Variants in ZNF578 observed in about 807,000 individuals in gnomAD.
ZNF578 encodes the protein Putative chemokine-related protein B42.
A neutral mutation model predicts 8.3 loss-of-function variants in ZNF578; 8 were observed. That is an observed-to-expected ratio of 0.96 (90% CI 0.56 to 1.74). ZNF578 has a LOEUF of 1.74. ZNF578 is among the 40% of genes most tolerant of loss of function. The pLI is 0.00. For synonymous variants in ZNF578, 206 were observed against 232.2 expected (o/e 0.89, Z 1.03); for missense variants, 726 against 707.5 (o/e 1.03, Z -0.30).
chr19:52,497,889 T>C (rs1321292461), intron 3 of ZNF578, among the ~76,000 whole-genome samples: 1 of 152,218 alleles, frequency 6.6e-6, no homozygotes, highest in Non-Finnish European at 1.5e-5. Flanking sequence ...TAATATTCTC[T>C]ACAGATGTTG....
At chr19:52,463,151 T>C (rs1019884916) in intron 2 of ZNF578, among the ~76,000 whole-genome samples, 2 of 152,348 alleles carry the variant, frequency 1.3e-5, no homozygotes, top group South Asian at 4.1e-4. Flanking sequence ...TTGAGAATTA[T>C]AGGGGATACT....
chr19:52,509,062 C>T (rs901171015), intron 5 of ZNF578, among the ~76,000 whole-genome samples: 13 of 151,972 alleles, frequency 8.6e-5, no homozygotes, highest in African/African-American at 2.2e-4. Flanking sequence ...CCACCACACC[C>T]GGCTGATGTT....
chr19:52,492,157 C>CAAAAAAA (rs869249180), intron 3 of ZNF578, among the ~76,000 whole-genome samples: 20 of 67,656 alleles, frequency 3.0e-4, no homozygotes, highest in African/African-American at 8.7e-4. Context: ...GATTCTGTCT[C>CAAAAAAA]AAAAAAAAAA....
At chr19:52,484,782 C>T (rs945350639) in intron 2 of ZNF578, among the ~76,000 whole-genome samples, 1 of 150,642 alleles carries the variant, frequency 6.6e-6, no homozygotes, top group Non-Finnish European at 1.5e-5. Flanking sequence ...CAGAGAACAA[C>T]CCCCCTTTGA....
chr19:52,474,869 C>G (rs2059303147), intron 2 of ZNF578: 2 of 206,042 alleles, frequency 9.7e-6, no homozygotes, highest in African/African-American at 2.4e-5. Context: ...AACTAAAGAA[C>G]TTGCCGCATT....
At chr19:52,492,623 G>T (rs916498805) in intron 3 of ZNF578, among the ~76,000 whole-genome samples, 1 of 152,118 alleles carries the variant, frequency 6.6e-6, no homozygotes, top group Non-Finnish European at 1.5e-5. Context: ...CTTCCTGGCC[G>T]CTCTCCCCTC....
chr19:52,455,611 CT>C (rs1301554599), intron 1 of ZNF578: 3 of 152,270 alleles, frequency 2.0e-5, no homozygotes, highest in Non-Finnish European at 4.4e-5. Flanking sequence ...CCTCAACTTT[CT>C]TCTGGGACAT....
At chr19:52,474,045 C>A (rs1306794359) in intron 2 of ZNF578, 3 of 420,644 alleles carry the variant, frequency 7.1e-6, no homozygotes, top group Non-Finnish European at 1.5e-5. Flanking sequence ...TGATTGAAGA[C>A]CTTGCCACAT....
intron 2 of ZNF578, among the ~76,000 whole-genome samples, chr19:52,484,930 G>A (rs2059339718): frequency 1.4e-5 from 2 of 142,754 alleles, no homozygotes; most frequent in Non-Finnish European, 3.0e-5. Flanking sequence ...AGCCTGTTTG[G>A]TGGTCTCTTC....
At chr19:52,469,147 A>G (rs1041744491) in intron 2 of ZNF578, among the ~76,000 whole-genome samples, 1 of 142,790 alleles carries the variant, frequency 7.0e-6, no homozygotes, top group African/African-American at 2.6e-5. Context: ...AGACTTTGGT[A>G]CCTGGAGTGG....
At chr19:52,454,541 C>T (rs2059233348) in intron 1 of ZNF578, 1 of 152,202 alleles carries the variant, frequency 6.6e-6, no homozygotes. Context: ...GCCAGAGTAG[C>T]TCACAGAACT....
At chr19:52,472,689 T>C (rs2059295830) in intron 2 of ZNF578, among the ~76,000 whole-genome samples, 1 of 152,210 alleles carries the variant, frequency 6.6e-6, no homozygotes, top group African/African-American at 2.4e-5. Context: ...TAAGCCATTC[T>C]GTAAGGAAAA....
intron 2 of ZNF578, among the ~76,000 whole-genome samples, chr19:52,461,022 T>G (rs1231447484): frequency 6.6e-6 from 1 of 152,088 alleles, no homozygotes; most frequent in Non-Finnish European, 1.5e-5. Flanking sequence ...TAAAGTAAAA[T>G]TTGCAATAGT....
chr19:52,513,187 A>C lies in ZNF578; in HGVS notation c.*1033A>C, dbSNP rs2059456608. On this transcript the variant is annotated 3_prime_UTR_variant, in exon 6 of 6. Coordinates refer to ENST00000421239, the MANE Select transcript of ZNF578 (RefSeq NM_001099694.2). ...AGGTATATGCCACGACGCCTGGCTA[A>C]TTTTTTGTATTTTTAGTAGGGAAAG... is the stretch of plus-strand genomic sequence containing the variant. Among the ~76,000 whole-genome samples the C allele has an allele frequency of 6.6e-6, 1 of 151,526 alleles. No homozygotes were observed. Among genetic ancestry groups the C allele is most frequent in the Non-Finnish European group, 1.5e-5 (1 of 67,900 alleles).
intron 2 of ZNF578, among the ~76,000 whole-genome samples, chr19:52,471,945 T>TC (rs11281209): frequency 5.4e-4 from 82 of 152,096 alleles, no homozygotes; most frequent in Non-Finnish European, 1.0e-3. Context: ...ATGTCACTAA[T>TC]ACGAAAAAGA....
chr19:52,509,416 TATTA>T (rs925639515), intron 5 of ZNF578, among the ~76,000 whole-genome samples: 15 of 152,216 alleles, frequency 9.9e-5, no homozygotes, highest in South Asian at 6.2e-4. Context: ...TACAATATTT[TATTA>T]ATTAATTTTT....
chr19:52,511,553 C>T lies in ZNF578; in HGVS notation c.1172C>T (p.Ala391Val). 1.9e-6 allele frequency: 3 copies of T among 1,613,498 alleles called. No homozygotes were observed. The highest frequency in any genetic ancestry group is 2.5e-6 in the Non-Finnish European group (3 of 1,179,666). Reference sequence around the variant, plus strand: ...AATTCAACCCTTGTAATTCATAAGGCAATTCATACTGGAGAGAAACCTTAC... The same window carrying T: ...AATTCAACCCTTGTAATTCATAAGGTAATTCATACTGGAGAGAAACCTTAC... ...GQNSTLVIHK[A>V]IHTGEKPYKC... is the part of the protein sequence containing the mutation. The change falls in exon 6 of 6, where the codon GCA (alanine) becomes GTA (valine). Residue 391 changes from alanine (A) to valine (V), a missense_variant. Transcript: ENST00000421239.
At chr19:52,488,565 C>G (rs559383569) in intron 2 of ZNF578, among the ~76,000 whole-genome samples, 1 of 151,092 alleles carries the variant, frequency 6.6e-6, no homozygotes, top group Non-Finnish European at 1.5e-5. Flanking sequence ...GCCGAGATTG[C>G]GCCACTGCAC....
At chr19:52,494,193 TGAA>T (rs2059377573) in intron 3 of ZNF578, among the ~76,000 whole-genome samples, 1 of 151,234 alleles carries the variant, frequency 6.6e-6, no homozygotes, top group South Asian at 2.1e-4. Context: ...AGCACAGTAA[TGAA>T]GAAAGAGTGG....
Sources: allele counts gnomAD v4.1 joint callset (sites outside exome capture counted in the v4.1 genomes callset), GRCh38; gene constraint gnomAD v4.1.1; transcripts MANE v1.5; gene names NCBI Gene and HGNC (gene_info 2026-07-23, HGNC 2026-07-21).